MACF1: variants seen among roughly 807,000 people sequenced by gnomAD.
The protein encoded by MACF1 is microtubule-actin cross-linking factor 1.
Under a neutral mutation model 854.8 loss-of-function variants are expected in MACF1, and 193 were observed. That is an observed-to-expected ratio of 0.23 (90% CI 0.20 to 0.25). The LOEUF (loss-of-function observed/expected upper bound fraction) is 0.25. MACF1 is among the 10% of genes least tolerant of loss of function. MACF1 has a pLI of 1.00. For synonymous variants in MACF1, 3,185 were observed against 3,226.7 expected (o/e 0.99, Z 0.44); for missense variants, 7,722 against 8,929.1 (o/e 0.86, Z 5.45).
rs1026200785 is a variant in MACF1, at chr1:39,468,665, G to A, written c.21822G>A (p.Val7274=). 6.2e-7 allele frequency: 1 copy of A among 1,614,176 alleles called. No homozygotes were observed. The highest frequency in any genetic ancestry group is 1.6e-4 in the Middle Eastern group (1 of 6,062). The part of the protein sequence containing the change: ...LRLVRILRST[V]MVRVGGGWMA... The stretch of plus-strand genomic sequence containing the variant: ...TGGTCCGTATTCTGCGCAGCACCGT[G>A]ATGGTTCGCGTTGGTGGAGGATGGA... Residue 7274 remains valine, a synonymous_variant, in exon 96 of 101, where the codon GTG becomes GTA. Coordinates refer to ENST00000564288, the MANE Select transcript of MACF1 (RefSeq NM_001394062.1).
At chr1:39,410,383 G>A in intron 58 of MACF1, 5 of 1,614,000 alleles carry the variant, frequency 3.1e-6, no homozygotes, top group Non-Finnish European at 4.2e-6. Flanking sequence ...GTCTATATAT[G>A]ATACGATGAG....
In MACF1 at chr1:39,454,935, G is replaced by A. The variant is rs371601268; in HGVS notation, c.20913G>A (p.Gln6971=). The change falls in exon 89 of 101, where the codon CAG becomes CAA. Residue 6971 remains glutamine (Q), a synonymous_variant. Transcript: ENST00000564288. ...TCCTGACATGGGCTAAGCAGCACCAGCAGCGTCTTGAAACGGCCTTGTCAG... is the reference window on the plus strand; with the variant it reads ...TCCTGACATGGGCTAAGCAGCACCAACAGCGTCTTGAAACGGCCTTGTCAG... ...EEVLTWAKQH[Q]QRLETALSEL... 1 of 1,614,018 alleles carries A rather than the reference G, an allele frequency of 6.2e-7. No individual in the cohort carries two copies. Among genetic ancestry groups the A allele is most frequent in the African/African-American group, 1.3e-5 (1 of 74,922 alleles).
Position 39,452,864 on chromosome 1 carries a change from C to T in MACF1, c.20742+52C>T, listed in dbSNP as rs72930209. ...CTCATGCTACCTACCACCTTGAGGG[C>T]TGCCTACCACTAAATGAAAGCAACT... On this transcript the variant is annotated intron_variant, in intron 87 of 100. Coordinates refer to ENST00000564288, the MANE Select transcript of MACF1 (RefSeq NM_001394062.1). 833 of 1,579,758 alleles carry T rather than the reference C, an allele frequency of 5.3e-4. 7 individuals are homozygous for T. The African/African-American group carries it at 5.6e-3, about 11-fold the overall frequency.
chr1:39,091,195 T>C (rs1362162659), intron 2 of MACF1, among the ~76,000 whole-genome samples: 1 of 152,160 alleles, frequency 6.6e-6, no homozygotes, highest in Non-Finnish European at 1.5e-5. Flanking sequence ...CAGGGGAGGA[T>C]TCTGCCTGGG....
intron 58 of MACF1, among the ~76,000 whole-genome samples, chr1:39,396,307 G>A (rs1381133781): frequency 1.4e-5 from 2 of 142,726 alleles, no homozygotes; most frequent in African/African-American, 5.5e-5. Context: ...GTGACAGAGC[G>A]AGACTCCATC....
At position 39,364,135 on chromosome 1, in the gene MACF1, G is replaced by C. The variant is rs74225668; in HGVS notation, c.12771+2458G>C. Among the ~76,000 whole-genome samples, 97 of 152,290 alleles carry C rather than the reference G, an allele frequency of 6.4e-4. No individual in the cohort carries two copies. In the East Asian group the frequency reaches 0.018, roughly 28 times the overall value. On this transcript the variant is annotated intron_variant, in intron 49 of 100. Transcript: ENST00000564288. ...TCACCATTTTGCATTCCCAGCAGCA[G>C]TGTATTAGAGTACCTGTTTCCCCTA... is the stretch of plus-strand genomic sequence containing the variant.
intron 2 of MACF1, among the ~76,000 whole-genome samples, chr1:39,104,511 G>A (rs1642170126): frequency 6.6e-6 from 1 of 152,114 alleles, no homozygotes; most frequent in Non-Finnish European, 1.5e-5. Context: ...TCCGTCTCAG[G>A]TTCCCACATT....
In MACF1 at chr1:39,429,947, A is replaced by G. The variant is rs1218015130; in HGVS notation, c.17009A>G (p.Lys5670Arg). 2 of 1,614,114 alleles carry G rather than the reference A, an allele frequency of 1.2e-6. No individual in the cohort carries two copies. The highest frequency in any genetic ancestry group is 2.2e-5 in the East Asian group (1 of 44,890). ...GAGCAAGCCCGGCAGCTGGCCACCA[A>G]GTTCCAGTCTACTTATGAGGAACTG... is the stretch of plus-strand genomic sequence containing the variant. Reference protein sequence around the residue: ...TLEQARQLATKFQSTYEELTG... With the variant: ...TLEQARQLATRFQSTYEELTG... Residue 5670 changes from lysine (K) to arginine (R), a missense_variant, in exon 65 of 101, where the codon AAG (lysine) becomes AGG (arginine). By Grantham distance (26) the Lys-to-Arg change is conservative. Coordinates refer to ENST00000564288, the MANE Select transcript of MACF1 (RefSeq NM_001394062.1).
intron 2 of MACF1, among the ~76,000 whole-genome samples, chr1:39,147,465 C>CT (rs1260871900): frequency 7.0e-6 from 1 of 142,860 alleles, no homozygotes; most frequent in Non-Finnish European, 1.5e-5. Flanking sequence ...TTTCTTTCCT[C>CT]TTTTTTCCCC....
chr1:39,348,392 G>T (rs778782154), intron 41 of MACF1, among the ~76,000 whole-genome samples: 1 of 152,336 alleles, frequency 6.6e-6, no homozygotes, highest in African/African-American at 2.4e-5. Flanking sequence ...TTCTCCCTGA[G>T]CATGTAATTA....
At chr1:39,094,197 C>T (rs1229062262) in intron 2 of MACF1, among the ~76,000 whole-genome samples, 1 of 151,902 alleles carries the variant, frequency 6.6e-6, no homozygotes, top group Non-Finnish European at 1.5e-5. Flanking sequence ...GTAATCCCAG[C>T]ATTTTGAGAG....
At chr1:39,338,539 C>T (rs1646867815) in intron 38 of MACF1, among the ~76,000 whole-genome samples, 1 of 152,138 alleles carries the variant, frequency 6.6e-6, no homozygotes, top group South Asian at 2.1e-4. Context: ...GCAATTAGAC[C>T]TTTAGATTTT....
intron 58 of MACF1, chr1:39,410,331 G>A: frequency 6.2e-7 from 1 of 1,613,556 alleles, no homozygotes; most frequent in Non-Finnish European, 8.5e-7. Context: ...GGAAAGGAGA[G>A]GAGGAGGATG....
intron 2 of MACF1, among the ~76,000 whole-genome samples, chr1:39,243,512 C>A (rs1644948027): frequency 6.6e-6 from 1 of 152,140 alleles, no homozygotes; most frequent in African/African-American, 2.4e-5. Flanking sequence ...AGCAACCCTC[C>A]CACCTCAGAC....
At chr1:39,289,834 T>G (rs1645738107) in intron 15 of MACF1, among the ~76,000 whole-genome samples, 1 of 150,406 alleles carries the variant, frequency 6.6e-6, no homozygotes, top group Admixed American at 6.7e-5. Context: ...CCCAAGTAGC[T>G]GGGACTACAG....
intron 40 of MACF1, among the ~76,000 whole-genome samples, chr1:39,345,439 A>G (rs763750442): frequency 2.6e-5 from 4 of 151,858 alleles, no homozygotes; most frequent in African/African-American, 9.7e-5. Flanking sequence ...GTGAGACACC[A>G]TGTCTACAGA....
At chr1:39,438,336 A>G (rs1484696285) in intron 71 of MACF1, among the ~76,000 whole-genome samples, 3 of 152,226 alleles carry the variant, frequency 2.0e-5, no homozygotes, top group Non-Finnish European at 4.4e-5. Flanking sequence ...TTAACACAGA[A>G]CACTGGAAAC....
intron 44 of MACF1, 90 bp from the exon 45 acceptor site, chr1:39,357,285 C>T: frequency 7.3e-7 from 1 of 1,369,086 alleles, no homozygotes; most frequent in South Asian, 1.4e-5. Context: ...GCAGACCTCA[C>T]ATGGAGTATG....
chr1:39,355,796 T>C (rs1647507842), intron 44 of MACF1, among the ~76,000 whole-genome samples: 1 of 152,004 alleles, frequency 6.6e-6, no homozygotes, highest in Non-Finnish European at 1.5e-5. Context: ...GAGGCCTCAC[T>C]TTGCCACCCA....
Sources: gnomAD v4.1 joint callset for allele counts (sites outside exome capture counted in the v4.1 genomes callset) on GRCh38, gnomAD v4.1.1 for gene constraint, MANE v1.5 for transcripts, NCBI Gene and HGNC (gene_info 2026-07-23, HGNC 2026-07-21) for gene names.